The following CEP112 variants were observed in gnomAD, a reference collection of about 807,000 sequenced individuals.
CEP112 encodes centrosomal protein of 112 kDa.
In CEP112, 127 loss-of-function variants were observed where a neutral mutation model predicts 153.0. That is an observed-to-expected ratio of 0.83 (90% confidence interval 0.72 to 0.96). The LOEUF is 0.96. Among genes scored for constraint, CEP112 ranks in the 40% least tolerant of loss-of-function variants. The pLI is 0.00. For missense variants in CEP112, 1,089 were observed against 1,101.2 expected (o/e 0.99, Z 0.16); for synonymous variants, 358 against 374.4 (o/e 0.96, Z 0.51).
At chr17:65,826,451 T>C in intron 21 of CEP112, 1 of 1,521,936 alleles carries the variant, frequency 6.6e-7, no homozygotes, top group Non-Finnish European at 8.7e-7. Context: ...TTAGAGTGTC[T>C]GAGATTCCCC....
intron 12 of CEP112, among the ~76,000 whole-genome samples, chr17:66,052,900 A>G (rs1384192545): frequency 6.6e-6 from 1 of 152,112 alleles, no homozygotes; most frequent in Non-Finnish European, 1.5e-5. Flanking sequence ...TGAGTCCAGG[A>G]GTTCAAGACC....
intron 4 of CEP112, among the ~76,000 whole-genome samples, chr17:66,157,616 G>GCTGTAT (rs1378510383): frequency 2.0e-5 from 3 of 151,206 alleles, no homozygotes; most frequent in Non-Finnish European, 2.9e-5. Flanking sequence ...CCATCAGTGT[G>GCTGTAT]CTGTATTCAG....
At chr17:66,075,888 A>G (rs1366045909) in intron 8 of CEP112, among the ~76,000 whole-genome samples, 1 of 152,186 alleles carries the variant, frequency 6.6e-6, no homozygotes, top group Non-Finnish European at 1.5e-5. Flanking sequence ...GAGTTCCCAA[A>G]CTGCAGAAGT....
At position 65,821,940 on chromosome 17, in the gene CEP112, C is replaced by T. The variant is rs530232977; in HGVS notation, c.2394+29864G>A. On this transcript the variant is annotated intron_variant, in intron 21 of 26. Coordinates refer to ENST00000535342, the MANE Select transcript of CEP112 (RefSeq NM_001199165.4). ...AATGCTCTAAAAAGCTTTTTTAAAA[C>T]CAATTTAAAAAATATGTGTGGGGAA... Among the ~76,000 whole-genome samples, 8 of 151,444 alleles carry T rather than the reference C, an allele frequency of 5.3e-5. No homozygotes were observed. The South Asian group carries it at 1.0e-3, about 20-fold the overall frequency.
At chr17:66,174,356 T>C (rs773929945) in intron 4 of CEP112, among the ~76,000 whole-genome samples, 1 of 152,210 alleles carries the variant, frequency 6.6e-6, no homozygotes, top group African/African-American at 2.4e-5. Context: ...AAAAAAATTA[T>C]AGTGGACAAG....
chr17:65,877,958 T>C (rs774384507), intron 20 of CEP112, among the ~76,000 whole-genome samples: 3 of 152,198 alleles, frequency 2.0e-5, no homozygotes, highest in Non-Finnish European at 4.4e-5. Flanking sequence ...AAATACTATA[T>C]GATGCCACTT....
intron 17 of CEP112, among the ~76,000 whole-genome samples, chr17:65,990,694 G>T (rs9907638): frequency 1.3e-5 from 2 of 152,072 alleles, no homozygotes; most frequent in South Asian, 2.1e-4. Flanking sequence ...TGAACTTGAA[G>T]GGCAGTCTAG....
At chr17:65,637,000 A>G in intron 26 of CEP112, 124 bp downstream of exon 26, 1 of 729,896 alleles carries the variant, frequency 1.4e-6, no homozygotes. Context: ...TACTAAAAAC[A>G]AGTCTTTTTC....
At chr17:65,926,606 G>T (rs1002643146) in intron 19 of CEP112, among the ~76,000 whole-genome samples, 1 of 151,968 alleles carries the variant, frequency 6.6e-6, no homozygotes, top group Non-Finnish European at 1.5e-5. Context: ...CCAGCTACTT[G>T]GGAGGCTGAG....
intron 18 of CEP112, among the ~76,000 whole-genome samples, chr17:65,952,301 AGAAGAT>A (rs1217092373): frequency 2.0e-5 from 3 of 152,134 alleles, no homozygotes; most frequent in Non-Finnish European, 4.4e-5. Flanking sequence ...ATCCACCCAC[AGAAGAT>A]GAGACAAGAC....
intron 21 of CEP112, among the ~76,000 whole-genome samples, chr17:65,830,248 T>G (rs2146107509): frequency 6.6e-6 from 1 of 152,278 alleles, no homozygotes; most frequent in Admixed American, 6.5e-5. Context: ...TCACCAGAAC[T>G]TGGAGGAAAG....
At chr17:66,016,068 G>A (rs112081559) in intron 16 of CEP112, among the ~76,000 whole-genome samples, 13 of 152,240 alleles carry the variant, frequency 8.5e-5, no homozygotes, top group South Asian at 8.3e-4. Context: ...GTTTCCTTAC[G>A]ATTTCCTTAT....
chr17:65,966,036 A>AT (rs35072379), intron 17 of CEP112, among the ~76,000 whole-genome samples: 137 of 151,112 alleles, frequency 9.1e-4, no homozygotes, highest in African/African-American at 3.0e-3. Context: ...AGGACTGAAG[A>AT]TTTTTTTTTT....
intron 20 of CEP112, among the ~76,000 whole-genome samples, chr17:65,890,299 C>T (rs2059418511): frequency 1.3e-5 from 2 of 152,302 alleles, no homozygotes; most frequent in South Asian, 4.1e-4. Context: ...GCCAAGCGGA[C>T]CCAGTCCGAA....
Position 65,874,051 on chromosome 17 carries a change from T to C in CEP112, c.2164-22017A>G, listed in dbSNP as rs188184634. Among the ~76,000 whole-genome samples, 5 of 152,322 alleles carry C rather than the reference T, an allele frequency of 3.3e-5. No homozygotes were observed. In the East Asian group the frequency reaches 9.6e-4, roughly 29 times the overall value. The stretch of plus-strand genomic sequence containing the variant: ...TTCTACATTTCAGAAAACCATTATA[T>C]GTATGCATATGTGTACAGATATTTT... On this transcript the variant is annotated intron_variant, in intron 20 of 26. Transcript: ENST00000535342.
chr17:65,861,762 T>A (rs745421522), intron 20 of CEP112, among the ~76,000 whole-genome samples: 56 of 152,238 alleles, frequency 3.7e-4, no homozygotes, highest in Non-Finnish European at 6.8e-4. Flanking sequence ...CAAGAATGTG[T>A]ATCAATGGGT....
chr17:66,021,401 C>T (rs780976169), intron 16 of CEP112, among the ~76,000 whole-genome samples: 13 of 152,068 alleles, frequency 8.5e-5, no homozygotes, highest in Admixed American at 6.6e-5. Flanking sequence ...CTTCATAGAC[C>T]GAAATAGGAG....
intron 23 of CEP112, among the ~76,000 whole-genome samples, chr17:65,727,424 G>T (rs2050242938): frequency 1.3e-5 from 2 of 152,162 alleles, no homozygotes; most frequent in African/African-American, 4.8e-5. Flanking sequence ...TCTTCACACT[G>T]GACTGAAGCT....
chr17:65,872,189 C>T (rs2058687982), intron 20 of CEP112, among the ~76,000 whole-genome samples: 1 of 151,896 alleles, frequency 6.6e-6, no homozygotes, highest in South Asian at 2.1e-4. Context: ...TTTAAAATTA[C>T]CTTTTAATTA....
Sources: allele counts gnomAD v4.1 joint callset (sites outside exome capture counted in the v4.1 genomes callset), GRCh38; gene constraint gnomAD v4.1.1; transcripts MANE v1.5; gene names NCBI Gene and HGNC (gene_info 2026-07-23, HGNC 2026-07-21).